The following ACADSB variants were observed in gnomAD, a reference collection of about 807,000 sequenced individuals.
The protein encoded by ACADSB is acyl-CoA dehydrogenase short/branched chain.
In ACADSB, 40 loss-of-function variants were observed where a neutral mutation model predicts 54.1. That is an observed-to-expected ratio of 0.74 (90% CI 0.57 to 0.96). The LOEUF (loss-of-function observed/expected upper bound fraction) is 0.96, where lower values mean the gene tolerates loss of function less well. Ranked by LOEUF, ACADSB falls within the 40% of genes least tolerant of loss-of-function variation. ACADSB has a pLI of 0.00. For missense variants in ACADSB, 530 were observed against 510.4 expected, an observed-to-expected ratio of 1.04 and a Z score of -0.37; for synonymous variants, 182 against 182.8, an observed-to-expected ratio of 1.00 and a Z score of 0.03.
intron 1 of ACADSB, among the ~76,000 whole-genome samples, chr10:123,031,007 TTTG>T (rs1159181568): frequency 3.3e-5 from 5 of 152,226 alleles, no homozygotes; most frequent in Non-Finnish European, 7.3e-5. Context: ...GTAATGTGTG[TTTG>T]TTAATTAAAT....
At chr10:123,032,240 A>G (rs1850336513) in intron 1 of ACADSB, among the ~76,000 whole-genome samples, 1 of 151,906 alleles carries the variant, frequency 6.6e-6, no homozygotes, top group Non-Finnish European at 1.5e-5. Flanking sequence ...CGGCCTCCCA[A>G]AGTGCTCGGA....
rs1850672442 is a variant in ACADSB, at chr10:123,054,090, G to A, written c.*325G>A. ...CACCCAGGCTAGAGTGCAGTGGCGCGATCTCAGCTCACTGCAGCCTTGACC... is the reference window on the plus strand; with the variant it reads ...CACCCAGGCTAGAGTGCAGTGGCGCAATCTCAGCTCACTGCAGCCTTGACC... On this transcript the variant is annotated 3_prime_UTR_variant, in exon 11 of 11. Coordinates refer to ENST00000358776, the MANE Select transcript of ACADSB (RefSeq NM_001609.4). 4 of 328,742 alleles carry A rather than the reference G, an allele frequency of 1.2e-5. No homozygotes were observed. The highest frequency in any genetic ancestry group is 6.6e-5 in the South Asian group (2 of 30,240). 20.4% of individuals were successfully genotyped at this position (328,742 alleles called of 1,614,324 possible).
intron 4 of ACADSB, 61 bp downstream of exon 4, chr10:123,040,733 C>T (rs1360879507): frequency 6.5e-7 from 1 of 1,530,876 alleles, no homozygotes; most frequent in East Asian, 2.3e-5. Context: ...ACAATATTTT[C>T]AGGAAAAAAG....
chr10:123,016,939 CAT>C (rs1850116677), intron 1 of ACADSB, among the ~76,000 whole-genome samples: 1 of 152,162 alleles, frequency 6.6e-6, no homozygotes. Flanking sequence ...TGGTGGAATG[CAT>C]ACTGAGGAGG....
intron 3 of ACADSB, among the ~76,000 whole-genome samples, chr10:123,038,408 C>T (rs748912240): frequency 7.9e-5 from 12 of 152,122 alleles, no homozygotes; most frequent in Non-Finnish European, 1.5e-4. Context: ...GCAACAGATT[C>T]CCATCTTCTC....
rs1850726035 is a variant in ACADSB at position 123,057,705 on chromosome 10, T to C, written c.*3940T>C. 1 of 152,158 alleles carries C rather than the reference T, an allele frequency of 6.6e-6. No individual in the cohort carries two copies. The highest frequency in any genetic ancestry group is 1.5e-5 in the Non-Finnish European group (1 of 68,020). The allele number at this position is 152,158 out of a possible 1,614,324, so 9.4% of individuals were successfully genotyped here. ...TAAGCCTGTGTCAAAGATTTTAAAA[T>C]CATGGAAAGTTAAAATCTAGAAAGA... is the stretch of plus-strand genomic sequence containing the variant. On this transcript the variant is annotated 3_prime_UTR_variant, in exon 11 of 11. Transcript: ENST00000358776.
chr10:123,040,431 C>T, intron 3 of ACADSB, 35 bp from the exon 4 acceptor site: 2 of 1,554,408 alleles, frequency 1.3e-6, no homozygotes, highest in Non-Finnish European at 1.8e-6. Context: ...ATAAAAATAG[C>T]TTTCTTAATC....
chr10:123,051,636 A>G (rs995678972), intron 9 of ACADSB, among the ~76,000 whole-genome samples: 4 of 152,228 alleles, frequency 2.6e-5, no homozygotes, highest in South Asian at 2.1e-4. Flanking sequence ...TAAAACACCA[A>G]GAAAAGATTG....
intron 7 of ACADSB, among the ~76,000 whole-genome samples, chr10:123,046,892 A>C (rs1318938438): frequency 6.6e-6 from 1 of 152,244 alleles, no homozygotes; most frequent in Non-Finnish European, 1.5e-5. Flanking sequence ...ATCAAAGCTT[A>C]AGGAAGATTC....
intron 6 of ACADSB, among the ~76,000 whole-genome samples, chr10:123,043,503 T>G (rs534702033): frequency 6.4e-4 from 97 of 152,308 alleles, no homozygotes; most frequent in African/African-American, 2.2e-3. Context: ...GGAAGTCTGG[T>G]GTCAGTGCAC....
intron 1 of ACADSB, among the ~76,000 whole-genome samples, chr10:123,013,774 C>T (rs1035300978): frequency 6.6e-6 from 1 of 152,238 alleles, no homozygotes; most frequent in Non-Finnish European, 1.5e-5. Context: ...TGCCCGGGGC[C>T]GCAGGGCCTG....
intron 1 of ACADSB, among the ~76,000 whole-genome samples, chr10:123,020,392 G>A (rs1850168727): frequency 6.6e-6 from 1 of 152,194 alleles, no homozygotes; most frequent in African/African-American, 2.4e-5. Context: ...AATCTCAGAT[G>A]TCTTCAGCTT....
At chr10:123,041,532 A>G (rs1237013935) in intron 5 of ACADSB, among the ~76,000 whole-genome samples, 153 bp downstream of exon 5, 4 of 151,966 alleles carry the variant, frequency 2.6e-5, no homozygotes. Flanking sequence ...GCATTTTTTC[A>G]CTTCGTTAAT....
intron 1 of ACADSB, among the ~76,000 whole-genome samples, chr10:123,019,566 A>C (rs989940517): frequency 2.0e-5 from 3 of 152,162 alleles, no homozygotes; most frequent in African/African-American, 4.8e-5. Flanking sequence ...ATAGTTTTTT[A>C]TCAGGCTTAC....
intron 2 of ACADSB, among the ~76,000 whole-genome samples, chr10:123,037,523 A>G (rs1850415393): frequency 6.6e-6 from 1 of 151,736 alleles, no homozygotes; most frequent in South Asian, 2.1e-4. Flanking sequence ...TTTTTGCACC[A>G]TCTACACATA....
chr10:123,029,185 A>G (rs1850293303), intron 1 of ACADSB, among the ~76,000 whole-genome samples: 3 of 152,100 alleles, frequency 2.0e-5, no homozygotes, highest in Admixed American at 2.0e-4. Flanking sequence ...CGTCTCTACT[A>G]AAAATACAAA....
At chr10:123,009,215 G>A in intron 1 of ACADSB, 144 bp downstream of exon 1, 1 of 953,662 alleles carries the variant, frequency 1.0e-6, no homozygotes, top group Non-Finnish European at 1.6e-6. Flanking sequence ...TTTACCCGCG[G>A]GCAGTCTATG....
At position 123,051,117 on chromosome 10, in the gene ACADSB, T is replaced by C; in HGVS notation, c.1059T>C (p.Ala353=). ...CTGCAAGATTACTAACATACAATGCTGCTAGGCTTTTAGAAGCTGGAAAGC... is the reference window on the plus strand; with the variant it reads ...CTGCAAGATTACTAACATACAATGCCGCTAGGCTTTTAGAAGCTGGAAAGC... ...LEAARLLTYN[A]ARLLEAGKPF... The change falls in exon 9 of 11, where the codon GCT becomes GCC. Residue 353 remains alanine, a synonymous_variant. Transcript: ENST00000358776. 1.2e-6 allele frequency: 2 copies of C among 1,606,120 alleles called. No individual in the cohort carries two copies. The highest frequency in any genetic ancestry group is 1.7e-6 in the Non-Finnish European group (2 of 1,178,300).
intron 1 of ACADSB, among the ~76,000 whole-genome samples, chr10:123,025,575 T>C (rs191807534): frequency 6.6e-6 from 1 of 152,322 alleles, no homozygotes; most frequent in East Asian, 1.9e-4. Context: ...TTAAAAGTTG[T>C]AATTCCTGCC....
Sources: gnomAD v4.1 joint callset for allele counts (sites outside exome capture counted in the v4.1 genomes callset) on GRCh38, gnomAD v4.1.1 for gene constraint, MANE v1.5 for transcripts, NCBI Gene and HGNC (gene_info 2026-07-23, HGNC 2026-07-21) for gene names.